Variants in TEX36 observed in about 807,000 individuals in gnomAD.
The protein encoded by TEX36 is testis-expressed protein 36.
In TEX36, 12 loss-of-function variants were observed where a neutral mutation model predicts 13.6. The ratio of observed to expected loss-of-function variants is 0.88; its 90% CI spans 0.56 to 1.43. The LOEUF (loss-of-function observed/expected upper bound fraction) is 1.43. TEX36 is among the 40% of genes most tolerant of loss of function. TEX36 has a pLI of 0.00. For missense variants in TEX36, 224 were observed against 228.3 expected (o/e 0.98, Z 0.12); for synonymous variants, 93 against 83.0 (o/e 1.12, Z -0.65).
At chr10:125,658,575 A>T (rs1040014597) in intron 3 of TEX36, among the ~76,000 whole-genome samples, 15 of 152,248 alleles carry the variant, frequency 9.9e-5, no homozygotes, top group Admixed American at 3.3e-4. Flanking sequence ...AATATATATT[A>T]TTTGTAAACA....
At chr10:125,645,293 C>A (rs573068572) in intron 3 of TEX36, among the ~76,000 whole-genome samples, 1 of 152,186 alleles carries the variant, frequency 6.6e-6, no homozygotes, top group South Asian at 2.1e-4. Flanking sequence ...AGAGATGGGA[C>A]CTTTTAGAGG....
downstream of TEX36, among the ~76,000 whole-genome samples, chr10:125,617,577 T>C (rs1327751116): frequency 5.9e-5 from 9 of 152,208 alleles, no homozygotes; most frequent in African/African-American, 1.9e-4. Context: ...AAATTCTGGG[T>C]TGAAAATTCT....
At chr10:125,609,253 T>G (rs537925969) in intron 3 of TEX36, among the ~76,000 whole-genome samples, 1 of 151,990 alleles carries the variant, frequency 6.6e-6, no homozygotes, top group South Asian at 2.1e-4. Context: ...AGTTGTGTGG[T>G]TGGTTGGTGG....
At chr10:125,596,037 A>G (rs1846079014) in intron 3 of TEX36, among the ~76,000 whole-genome samples, 1 of 152,248 alleles carries the variant, frequency 6.6e-6, no homozygotes, top group Admixed American at 6.5e-5. Context: ...TGAATCCAGA[A>G]ATTATTTCAA....
intron 3 of TEX36, among the ~76,000 whole-genome samples, chr10:125,636,292 G>A (rs1489894714): frequency 2.0e-5 from 3 of 146,362 alleles, no homozygotes; most frequent in East Asian, 4.1e-4. Context: ...TGCAAGCTCC[G>A]CCTCCCGGGT....
intron 3 of TEX36, among the ~76,000 whole-genome samples, chr10:125,650,571 C>A (rs1359084695): frequency 6.6e-6 from 1 of 152,106 alleles, no homozygotes; most frequent in South Asian, 2.1e-4. Flanking sequence ...GATACCCTAA[C>A]ATCATAATTA....
rs151256784 is a variant in TEX36, at chr10:125,579,603, A to G, written c.265-2729T>C. ...GGATTTGTGTCCCTGCCCAAATTTC[A>G]TGTTGAATTGTAATTTCCATTGTTC... On this transcript the variant is annotated intron_variant, in intron 3 of 3. Transcript: ENST00000532135. 7.3e-3 allele frequency among the ~76,000 whole-genome samples: 1,105 copies of G among 152,284 alleles called. 12 individuals are homozygous for G. The highest frequency in any genetic ancestry group is 0.017 in the Middle Eastern group (5 of 294).
downstream of TEX36, among the ~76,000 whole-genome samples, chr10:125,616,904 T>C (rs1217670990): frequency 6.6e-6 from 1 of 151,682 alleles, no homozygotes; most frequent in African/African-American, 2.4e-5. Flanking sequence ...CTCCCATTAT[T>C]AATGTGTGGG....
chr10:125,650,700 A>T (rs1025344271), downstream of TEX36, among the ~76,000 whole-genome samples: 12 of 152,190 alleles, frequency 7.9e-5, no homozygotes, highest in African/African-American at 2.9e-4. Flanking sequence ...AAAAAAATCA[A>T]TGAATCCAGG....
Position 125,580,052 on chromosome 10 carries a change from TGAATAAAA to T in TEX36, c.265-3186_265-3179del, listed in dbSNP as rs1235939952. ...TGTTGGGTACTTAATAAATATTAGT[TGAATAAAA>T]GAATAAATGAACATGCAGCTCTGAA... On this transcript the variant is annotated intron_variant, in intron 3 of 3. Coordinates refer to the TEX36 transcript ENST00000532135. Among the ~76,000 whole-genome samples the T allele has an allele frequency of 1.3e-5, 2 of 152,180 alleles. 1 individual carries two copies. Among genetic ancestry groups the T allele is most frequent in the Admixed American group, 1.3e-4 (2 of 15,286 alleles).
At chr10:125,677,035 A>G (rs952168468) in intron 1 of TEX36, among the ~76,000 whole-genome samples, 1 of 152,196 alleles carries the variant, frequency 6.6e-6, no homozygotes, top group Non-Finnish European at 1.5e-5. Context: ...CTATTGTCTT[A>G]TGACCTGTAA....
chr10:125,635,932 G>T (rs1185960409), intron 3 of TEX36, among the ~76,000 whole-genome samples: 1 of 151,974 alleles, frequency 6.6e-6, no homozygotes, highest in Non-Finnish European at 1.5e-5. Flanking sequence ...CGAGTGCAGT[G>T]ACACAATCAT....
downstream of TEX36, among the ~76,000 whole-genome samples, chr10:125,619,952 T>G (rs1846409533): frequency 6.6e-6 from 1 of 152,118 alleles, no homozygotes; most frequent in Non-Finnish European, 1.5e-5. Flanking sequence ...GTAAAAATTT[T>G]TCACATCATT....
At chr10:125,597,854 G>A (rs1846100499) in intron 3 of TEX36, among the ~76,000 whole-genome samples, 1 of 152,212 alleles carries the variant, frequency 6.6e-6, no homozygotes, top group South Asian at 2.1e-4. Flanking sequence ...AAGGACATAT[G>A]CTAGGTGTTA....
intron 3 of TEX36, among the ~76,000 whole-genome samples, chr10:125,585,767 G>A (rs1282855663): frequency 6.6e-6 from 1 of 152,178 alleles, no homozygotes; most frequent in Admixed American, 6.5e-5. Context: ...ATCAGACTTC[G>A]CATCAAAATC....
chr10:125,661,114 G>C lies in TEX36; in HGVS notation c.184-13C>G, dbSNP rs12772477. The C allele has an allele frequency of 1.3e-6, 2 of 1,549,336 alleles. No individual in the cohort carries two copies. The highest frequency in any genetic ancestry group is 1.7e-6 in the Non-Finnish European group (2 of 1,144,712). On this transcript the variant is annotated splice_polypyrimidine_tract_variant and intron_variant, in intron 2 of 3. Transcript: ENST00000368821. ...TATTCACTGCTTGCTGGAAAAGTGG[G>C]ATGGAAGGGAAAGAGCACACATTAG...
intron 3 of TEX36, among the ~76,000 whole-genome samples, chr10:125,581,874 A>G (rs1845887506): frequency 1.3e-5 from 2 of 152,218 alleles, no homozygotes; most frequent in South Asian, 4.1e-4. Context: ...ATATCCCTGT[A>G]GAGGGTAAGT....
intron 1 of TEX36, among the ~76,000 whole-genome samples, chr10:125,666,032 A>T (rs1847115137): frequency 2.0e-5 from 3 of 152,114 alleles, no homozygotes; most frequent in African/African-American, 7.2e-5. Flanking sequence ...TGCTTTTTGT[A>T]TGTTGATTTT....
chr10:125,661,814 G>A, intron 2 of TEX36, 32 bp downstream of exon 2: 3 of 1,551,130 alleles, frequency 1.9e-6, no homozygotes, highest in South Asian at 2.4e-5. Flanking sequence ...GTCCACAGGA[G>A]CACATGGCAG....
Sources: gnomAD v4.1 joint callset for allele counts (sites outside exome capture counted in the v4.1 genomes callset) on GRCh38, gnomAD v4.1.1 for gene constraint, MANE v1.5 for transcripts, NCBI Gene and HGNC (gene_info 2026-07-23, HGNC 2026-07-21) for gene names.